The following HADH variants were observed in gnomAD, a reference collection of about 807,000 sequenced individuals.
HADH encodes the protein hydroxyacyl-coenzyme A dehydrogenase, mitochondrial.
In HADH, 24 loss-of-function variants were observed where a neutral mutation model predicts 32.2. That is an observed-to-expected ratio of 0.75 (90% CI 0.54 to 1.05). The LOEUF (loss-of-function observed/expected upper bound fraction) is 1.05. Ranked by LOEUF, HADH falls within the 50% of genes least tolerant of loss-of-function variation. HADH has a pLI of 0.00. For synonymous variants in HADH, 139 were observed against 152.5 expected (o/e 0.91, Z 0.65); for missense variants, 350 against 397.1 (o/e 0.88, Z 1.01).
At chr4:108,030,256 G>C (rs1736215924) in intron 6 of HADH, 2 of 152,518 alleles carry the variant, frequency 1.3e-5, no homozygotes, top group South Asian at 4.1e-4. Flanking sequence ...CCCCACCTGA[G>C]TGTCTGCAGA....
In HADH at chr4:108,009,639, T is replaced by C. The variant is rs887783784; in HGVS notation, c.133-120T>C. ...TCATATGTTCACTCGGTATTTTGAA[T>C]GGAATGGTAGTAGAATTCATGTGGA... On this transcript the variant is annotated intron_variant, in intron 1 of 7. Transcript: ENST00000309522. 1.3e-5 allele frequency: 10 copies of C among 799,670 alleles called. No homozygotes were observed. In the Admixed American group the frequency reaches 1.8e-4, roughly 14 times the overall value. 49.5% of individuals were successfully genotyped at this position (799,670 alleles called of 1,614,324 possible). A position where few individuals can be genotyped will look rare whatever the true frequency, so the allele number is the denominator to read the frequency against.
At chr4:108,018,152 A>G (rs1735755220) in intron 3 of HADH, among the ~76,000 whole-genome samples, 2 of 152,164 alleles carry the variant, frequency 1.3e-5, no homozygotes, top group Admixed American at 6.6e-5. Flanking sequence ...TGTAATACTA[A>G]TCTTTAAAAT....
intron 6 of HADH, chr4:108,029,692 TC>T (rs1420464903): frequency 6.6e-6 from 1 of 152,396 alleles, no homozygotes; most frequent in Non-Finnish European, 1.5e-5. Flanking sequence ...AGGTCAGGCC[TC>T]CTGGATGACC....
chr4:108,007,742 T>C (rs994480921), intron 1 of HADH, among the ~76,000 whole-genome samples: 4 of 152,214 alleles, frequency 2.6e-5, no homozygotes, highest in Non-Finnish European at 4.4e-5. Context: ...TCAAAGAACA[T>C]TGGACCTATA....
At chr4:108,001,594 T>TAGACCC (rs1417389882) in intron 1 of HADH, among the ~76,000 whole-genome samples, 3 of 152,226 alleles carry the variant, frequency 2.0e-5, no homozygotes, top group Non-Finnish European at 4.4e-5. Flanking sequence ...AGTACATTCC[T>TAGACCC]AGACCCTCAG....
At chr4:108,003,053 G>A (rs4618389) in intron 1 of HADH, among the ~76,000 whole-genome samples, 131,306 of 151,426 alleles carry the variant, frequency 0.87, 57,794 homozygotes, top group East Asian at 0.97. Flanking sequence ...TAGAGGCTTC[G>A]TAGCTCACCC....
At chr4:108,031,303 C>T (rs1228436422) in intron 6 of HADH, 1 of 152,302 alleles carries the variant, frequency 6.6e-6, no homozygotes, top group Non-Finnish European at 1.5e-5. Context: ...AGAAGTATGA[C>T]ACCTGAGCAG....
At chr4:108,028,151 G>T (rs1439685040) in intron 6 of HADH, 2 of 279,582 alleles carry the variant, frequency 7.2e-6, no homozygotes, top group African/African-American at 4.3e-5. Flanking sequence ...TCTAAAACTT[G>T]TGACTGACAG....
intron 1 of HADH, among the ~76,000 whole-genome samples, chr4:108,008,724 G>T (rs1735372230): frequency 6.6e-6 from 1 of 152,072 alleles, no homozygotes; most frequent in Non-Finnish European, 1.5e-5. Flanking sequence ...TTTTGCAGGG[G>T]GCTTCTCAGA....
At chr4:108,015,641 T>A (rs1469828031) in intron 3 of HADH, among the ~76,000 whole-genome samples, 1 of 152,210 alleles carries the variant, frequency 6.6e-6, no homozygotes, top group Non-Finnish European at 1.5e-5. Flanking sequence ...ACTCCCAGTT[T>A]GCTTCTGAAG....
chr4:108,004,853 T>C (rs1278057519), intron 1 of HADH: 2 of 1,535,970 alleles, frequency 1.3e-6, no homozygotes, highest in Non-Finnish European at 1.7e-6. Flanking sequence ...CCTGCGGAGA[T>C]GTTAAGGGTT....
At chr4:107,991,119 CG>C (rs1467979571) in intron 1 of HADH, among the ~76,000 whole-genome samples, 2 of 151,846 alleles carry the variant, frequency 1.3e-5, no homozygotes, top group African/African-American at 4.8e-5. Context: ...CTCAGTTGTG[CG>C]AGTGATTGAT....
Position 108,034,237 on chromosome 4 carries a change from A to C in HADH, c.827-2A>C. The C allele has an allele frequency of 6.3e-7, 1 of 1,575,680 alleles. No homozygotes were observed. Among genetic ancestry groups the C allele is most frequent in the Non-Finnish European group, 8.7e-7 (1 of 1,144,834 alleles). ...CTGAGTTCTCTTCCCTCCGCTCAAT[A>C]GGGTGGCATGAAATGGATGCAGAGA... On this transcript the variant is annotated splice_acceptor_variant, in intron 7 of 7. Coordinates refer to ENST00000309522, the MANE Select transcript of HADH (RefSeq NM_005327.7). LOFTEE classifies it high-confidence loss of function.
rs369857395 is a variant in HADH at position 108,016,467 on chromosome 4, A to G, written c.419+1879A>G. Among the ~76,000 whole-genome samples the G allele has an allele frequency of 3.3e-4, 51 of 152,336 alleles. No homozygotes were observed. In the Middle Eastern group the frequency reaches 0.014, roughly 41 times the overall value. On this transcript the variant is annotated intron_variant, in intron 3 of 7. Coordinates refer to ENST00000309522, the MANE Select transcript of HADH (RefSeq NM_005327.7). ...CATTTCACACTGGCATCTAGAGGCT[A>G]CAGAGACATCTGACAAAAACAGAAT...
chr4:108,009,856 T>C lies in HADH; in HGVS notation c.230T>C (p.Val77Ala), dbSNP rs751811146. Reference sequence around the variant, plus strand: ...GGAATTGAGGAAAGCCTTAGGAAAGTGGCAAAGAAGAAGTTTGCAGAAAAC... The same window carrying C: ...GGAATTGAGGAAAGCCTTAGGAAAGCGGCAAAGAAGAAGTTTGCAGAAAAC... ...KKGIEESLRK[V>A]AKKKFAENLK... is the part of the protein sequence containing the mutation. The change falls in exon 2 of 8, where the codon GTG becomes GCG. Residue 77 changes from valine to alanine, a missense_variant. Coordinates refer to ENST00000309522, the MANE Select transcript of HADH (RefSeq NM_005327.7). 3 of 1,611,792 alleles carry C rather than the reference T, an allele frequency of 1.9e-6. No individual in the cohort carries two copies. The highest frequency in any genetic ancestry group is 2.2e-5 in the South Asian group (2 of 91,054).
At chr4:107,999,044 A>G (rs1445731498) in intron 1 of HADH, among the ~76,000 whole-genome samples, 1 of 152,212 alleles carries the variant, frequency 6.6e-6, no homozygotes, top group Non-Finnish European at 1.5e-5. Context: ...CCAATCTCTT[A>G]AAGTAGTTGA....
At chr4:108,020,200 C>T (rs554724134) in intron 4 of HADH, among the ~76,000 whole-genome samples, 6 of 152,290 alleles carry the variant, frequency 3.9e-5, no homozygotes, top group South Asian at 2.1e-4. Flanking sequence ...TTGGGTGCGG[C>T]GGCTCATGCC....
Position 108,005,013 on chromosome 4 carries a change from T to C in HADH, c.133-4746T>C. Reference sequence around the variant, plus strand: ...ACTGTATTCAGTTTAAATGTTTATTTTATACTGTAACTCACCATATATACC... The same window carrying C: ...ACTGTATTCAGTTTAAATGTTTATTCTATACTGTAACTCACCATATATACC... On this transcript the variant is annotated intron_variant, in intron 1 of 7. Transcript: ENST00000309522. The C allele has an allele frequency of 2.1e-6, 2 of 944,588 alleles. 1 individual carries two copies. The highest frequency in any genetic ancestry group is 3.2e-6 in the Non-Finnish European group (2 of 627,086). 58.5% of individuals were successfully genotyped at this position (944,588 alleles called of 1,614,324 possible). A position where few individuals can be genotyped will look rare whatever the true frequency, so the allele number is the denominator to read the frequency against.
At chr4:108,028,591 A>G (rs1407996636) in intron 6 of HADH, 2 of 346,620 alleles carry the variant, frequency 5.8e-6, no homozygotes, top group African/African-American at 4.2e-5. Flanking sequence ...ATCTGCTTTA[A>G]ATATTAAAAC....
Sources: gnomAD v4.1 joint callset for allele counts (sites outside exome capture counted in the v4.1 genomes callset) on GRCh38, gnomAD v4.1.1 for gene constraint, MANE v1.5 for transcripts, NCBI Gene and HGNC (gene_info 2026-07-23, HGNC 2026-07-21) for gene names.